Variants in SLC30A8 observed in about 807,000 individuals in gnomAD.
The protein encoded by SLC30A8 is proton-coupled zinc antiporter SLC30A8.
Under a neutral mutation model 36.9 loss-of-function variants are expected in SLC30A8, and 27 were observed. That is an observed-to-expected ratio of 0.73 (90% confidence interval 0.54 to 1.01). The LOEUF is 1.01. SLC30A8 is among the 50% of genes least tolerant of loss of function. SLC30A8 has a pLI of 0.00. For missense variants in SLC30A8, 439 were observed against 452.0 expected (o/e 0.97, Z 0.26); for synonymous variants, 164 against 172.4 (o/e 0.95, Z 0.38).
intron 1 of SLC30A8, among the ~76,000 whole-genome samples, chr8:117,002,142 A>G (rs1816030879): frequency 1.3e-5 from 2 of 152,190 alleles, no homozygotes; most frequent in African/African-American, 2.4e-5. Context: ...TATTACTAGA[A>G]GTTTGTTTAT....
At chr8:117,069,950 T>G (rs1428423026) in intron 2 of SLC30A8, among the ~76,000 whole-genome samples, 1 of 152,196 alleles carries the variant, frequency 6.6e-6, no homozygotes, top group African/African-American at 2.4e-5. Context: ...ATTAATTACC[T>G]TTTCCTCTCA....
intron 1 of SLC30A8, among the ~76,000 whole-genome samples, chr8:117,030,957 C>T (rs1251832428): frequency 6.6e-6 from 1 of 152,212 alleles, no homozygotes; most frequent in Non-Finnish European, 1.5e-5. Flanking sequence ...TTTAAGATTC[C>T]ACAAAGAACT....
intron 1 of SLC30A8, among the ~76,000 whole-genome samples, chr8:117,143,503 A>C (rs1821754552): frequency 6.6e-6 from 1 of 152,230 alleles, no homozygotes; most frequent in East Asian, 1.9e-4. Context: ...AATTCACATC[A>C]TTGTTCTGAT....
At chr8:117,062,959 A>G (rs1377705149) in intron 2 of SLC30A8, among the ~76,000 whole-genome samples, 1 of 152,202 alleles carries the variant, frequency 6.6e-6, no homozygotes, top group East Asian at 1.9e-4. Context: ...CTCCATTTAT[A>G]CGGTGCAGGA....
At chr8:117,130,609 TAGAA>T (rs915677998), upstream of SLC30A8, among the ~76,000 whole-genome samples, 1 of 152,000 alleles carries the variant, frequency 6.6e-6, no homozygotes, top group Non-Finnish European at 1.5e-5. Context: ...GTTGGAATAT[TAGAA>T]AGTATATTTT....
rs186718917 is a variant in SLC30A8 at position 117,141,771 on chromosome 8, G to T, written c.72-5183G>T. Among the ~76,000 whole-genome samples the T allele has an allele frequency of 1.3e-4, 20 of 152,234 alleles. No homozygotes were observed. In the East Asian group the frequency reaches 2.3e-3, roughly 18 times the overall value. On this transcript the variant is annotated intron_variant, in intron 1 of 7. Transcript: ENST00000456015. ...ACTTCAATGAGTTCTACTCAACGTG[G>T]TACTGTGTGTTCTAGCCAGAGCAAT...
In SLC30A8 at chr8:117,027,638, A is replaced by T. The variant is rs1008437939; in HGVS notation, c.-265-11581A>T. Among the ~76,000 whole-genome samples the T allele has an allele frequency of 2.0e-5, 3 of 152,270 alleles. No individual in the cohort carries two copies. The East Asian group carries it at 5.8e-4, about 29-fold the overall frequency. Reference sequence around the variant, plus strand: ...GTCTGCTTTAGAGGAGACCAGAGAAACCTAGGCAGGACCCTGAGTTGGATG... The same window carrying T: ...GTCTGCTTTAGAGGAGACCAGAGAATCCTAGGCAGGACCCTGAGTTGGATG... On this transcript the variant is annotated intron_variant, in intron 1 of 10. Transcript: ENST00000427715.
chr8:117,062,776 A>G (rs962227226), intron 2 of SLC30A8, among the ~76,000 whole-genome samples: 4 of 152,174 alleles, frequency 2.6e-5, no homozygotes, highest in Non-Finnish European at 5.9e-5. Flanking sequence ...GAGTGGCTGG[A>G]TGATTCTGTC....
At chr8:117,110,890 A>G (rs1820199021) in intron 2 of SLC30A8, among the ~76,000 whole-genome samples, 1 of 152,188 alleles carries the variant, frequency 6.6e-6, no homozygotes, top group Non-Finnish European at 1.5e-5. Context: ...GGAGGACACC[A>G]AGGTTAGAGG....
chr8:117,047,679 T>A (rs1292678611), intron 2 of SLC30A8, among the ~76,000 whole-genome samples: 1 of 152,134 alleles, frequency 6.6e-6, no homozygotes, highest in Non-Finnish European at 1.5e-5. Flanking sequence ...TCAGAGGCGT[T>A]TGAACCAGGG....
At chr8:117,112,469 A>C (rs1270910847) in intron 2 of SLC30A8, among the ~76,000 whole-genome samples, 1 of 152,130 alleles carries the variant, frequency 6.6e-6, no homozygotes, top group Non-Finnish European at 1.5e-5. Context: ...TGTAAATGAA[A>C]AACCCCTTGA....
chr8:116,977,008 AG>A (rs948582944), intron 1 of SLC30A8, among the ~76,000 whole-genome samples: 4 of 150,366 alleles, frequency 2.7e-5, no homozygotes, highest in African/African-American at 9.8e-5. Flanking sequence ...TAGTAGAGAC[AG>A]GGTTTCACCA....
intron 1 of SLC30A8, among the ~76,000 whole-genome samples, chr8:116,980,221 T>C (rs1014343654): frequency 3.9e-5 from 6 of 152,224 alleles, no homozygotes; most frequent in African/African-American, 1.4e-4. Context: ...TTGGTAGTTT[T>C]GGGCTGTTTA....
chr8:117,031,211 T>TAA (rs56654502), intron 1 of SLC30A8, among the ~76,000 whole-genome samples: 13,951 of 152,210 alleles, frequency 0.092, 993 homozygotes, highest in African/African-American at 0.2. Flanking sequence ...GATACTATAT[T>TAA]TTGTATGCAC....
At chr8:117,138,769 C>T (rs2130942421) in intron 1 of SLC30A8, among the ~76,000 whole-genome samples, 1 of 152,052 alleles carries the variant, frequency 6.6e-6, no homozygotes, top group East Asian at 1.9e-4. Context: ...GATCCGTATT[C>T]AGTGCTCCAC....
At chr8:117,078,012 A>G (rs1246348328) in intron 2 of SLC30A8, among the ~76,000 whole-genome samples, 1 of 152,210 alleles carries the variant, frequency 6.6e-6, no homozygotes, top group Non-Finnish European at 1.5e-5. Context: ...TGAAGATTTA[A>G]GTCTGAATTT....
Position 117,066,482 on chromosome 8 carries a change from T to A in SLC30A8, c.-226+27224T>A, listed in dbSNP as rs926226107. Among the ~76,000 whole-genome samples, 10 of 152,192 alleles carry A rather than the reference T, an allele frequency of 6.6e-5. 1 individual carries two copies. The highest frequency in any genetic ancestry group is 2.4e-4 in the African/African-American group (10 of 41,454). On this transcript the variant is annotated intron_variant, in intron 2 of 10. Transcript: ENST00000427715. Reference sequence around the variant, plus strand: ...GTTTATACCACCCAACCTCTTCTAGTAACAGAAAAGTGATTTTTTTTTCTC... The same window carrying A: ...GTTTATACCACCCAACCTCTTCTAGAAACAGAAAAGTGATTTTTTTTTCTC...
At chr8:116,981,620 A>G (rs1011907713) in intron 1 of SLC30A8, among the ~76,000 whole-genome samples, 1 of 152,088 alleles carries the variant, frequency 6.6e-6, no homozygotes, top group Non-Finnish European at 1.5e-5. Flanking sequence ...CTTTGTATGC[A>G]TATGTACTAA....
At chr8:117,161,536 T>C (rs532605222) in intron 4 of SLC30A8, among the ~76,000 whole-genome samples, 41 of 152,232 alleles carry the variant, frequency 2.7e-4, no homozygotes, top group Non-Finnish European at 5.9e-4. Context: ...GATGGGTCTT[T>C]GTGGTTTGTT....
Sources: allele counts gnomAD v4.1 joint callset (sites outside exome capture counted in the v4.1 genomes callset), GRCh38; gene constraint gnomAD v4.1.1; transcripts MANE v1.5; gene names NCBI Gene and HGNC (gene_info 2026-07-23, HGNC 2026-07-21).